RAPGEF1: variants seen among roughly 807,000 people sequenced by gnomAD.
RAPGEF1 encodes the protein CRK SH3-binding GNRP.
A neutral mutation model predicts 143.3 loss-of-function variants in RAPGEF1; 33 were observed. That is an observed-to-expected ratio of 0.23 (90% CI 0.17 to 0.31). The LOEUF is 0.31. Ranked by LOEUF, RAPGEF1 falls within the 10% of genes least tolerant of loss-of-function variation. The probability of loss-of-function intolerance (pLI) is 1.00; values close to 1 mark genes in which losing one functional copy is unlikely to be tolerated. For synonymous variants in RAPGEF1, 629 were observed against 676.5 expected, an observed-to-expected ratio of 0.93 and a Z score of 1.09; for missense variants, 1,199 against 1,645.4, an observed-to-expected ratio of 0.73 and a Z score of 4.69.
At chr9:131,661,939 C>G (rs1449707797) in intron 1 of RAPGEF1, among the ~76,000 whole-genome samples, 3 of 152,196 alleles carry the variant, frequency 2.0e-5, no homozygotes, top group African/African-American at 4.8e-5. Flanking sequence ...TTCTCCCTTA[C>G]TGTATGAAAA....
intron 4 of RAPGEF1, among the ~76,000 whole-genome samples, chr9:131,640,955 C>T (rs1212391007): frequency 6.6e-6 from 1 of 152,158 alleles, no homozygotes; most frequent in Non-Finnish European, 1.5e-5. Flanking sequence ...CAAAGGACTA[C>T]CAGAAAACAA....
intron 15 of RAPGEF1, among the ~76,000 whole-genome samples, chr9:131,601,273 A>C (rs1282564024): frequency 6.6e-6 from 1 of 152,162 alleles, no homozygotes; most frequent in East Asian, 1.9e-4. Context: ...ATTAAGATAT[A>C]CAAGACATTC....
chr9:131,619,054 G>T lies in RAPGEF1; in HGVS notation c.2058C>A (p.Pro686=). 8.1e-6 allele frequency: 11 copies of T among 1,358,084 alleles called. No homozygotes were observed. Among genetic ancestry groups the T allele is most frequent in the Non-Finnish European group, 1.1e-5 (11 of 1,018,512 alleles). 84.1% of individuals were successfully genotyped at this position (1,358,084 alleles called of 1,614,324 possible). The part of the protein sequence containing the change: ...FLSRHGSLPV[P]SYKSVFRSYS... ...AGAACAGCAGGGAGCAACTCACCGAGGGCACGGGCAAGCTGCCGTGCCGGC... is the reference window on the plus strand; with the variant it reads ...AGAACAGCAGGGAGCAACTCACCGATGGCACGGGCAAGCTGCCGTGCCGGC... The change falls in exon 12 of 27, where the codon CCC becomes CCA. Residue 686 remains proline, a synonymous_variant. Transcript: ENST00000683357.
chr9:131,657,813 T>C (rs964005030), intron 1 of RAPGEF1, among the ~76,000 whole-genome samples: 1 of 152,224 alleles, frequency 6.6e-6, no homozygotes, highest in Non-Finnish European at 1.5e-5. Flanking sequence ...ACTCTGACTT[T>C]CAGACTTATC....
chr9:131,692,601 G>C (rs1833860936), intron 1 of RAPGEF1, among the ~76,000 whole-genome samples: 2 of 152,206 alleles, frequency 1.3e-5, no homozygotes, highest in African/African-American at 4.8e-5. Flanking sequence ...ACCAGGACAA[G>C]CTGACAACTT....
intron 1 of RAPGEF1, among the ~76,000 whole-genome samples, chr9:131,652,017 C>T (rs1226988828): frequency 6.6e-6 from 1 of 152,118 alleles, no homozygotes; most frequent in Non-Finnish European, 1.5e-5. Flanking sequence ...TTAAAAATTC[C>T]ACCTGTGAAA....
chr9:131,670,496 C>A (rs186671089), intron 1 of RAPGEF1, among the ~76,000 whole-genome samples: 23 of 152,280 alleles, frequency 1.5e-4, no homozygotes, highest in African/African-American at 5.3e-4. Flanking sequence ...GGGAGTAAGT[C>A]ACTGTAAGAG....
intron 1 of RAPGEF1, among the ~76,000 whole-genome samples, chr9:131,681,089 T>C (rs998968847): frequency 7.2e-5 from 11 of 152,176 alleles, no homozygotes; most frequent in African/African-American, 1.9e-4. Context: ...TTCACACCGA[T>C]GATGAGGAGG....
At chr9:131,632,069 G>C (rs1249933924) in intron 5 of RAPGEF1, among the ~76,000 whole-genome samples, 1 of 152,116 alleles carries the variant, frequency 6.6e-6, no homozygotes, top group Non-Finnish European at 1.5e-5. Flanking sequence ...CCAGGGGTTC[G>C]AGGAGCACTG....
intron 5 of RAPGEF1, among the ~76,000 whole-genome samples, chr9:131,634,538 C>T (rs573318454): frequency 1.3e-5 from 2 of 151,832 alleles, no homozygotes; most frequent in South Asian, 4.2e-4. Context: ...CATGGTGAAA[C>T]CTTGTCTCTA....
chr9:131,687,353 G>T (rs1339112293), intron 1 of RAPGEF1, among the ~76,000 whole-genome samples: 1 of 151,978 alleles, frequency 6.6e-6, no homozygotes, highest in African/African-American at 2.4e-5. Flanking sequence ...ACCACCCCTG[G>T]ATAATTTTTT....
intron 9 of RAPGEF1, among the ~76,000 whole-genome samples, chr9:131,626,867 G>A (rs967796113): frequency 3.3e-5 from 5 of 152,156 alleles, no homozygotes; most frequent in East Asian, 1.9e-4. Context: ...CTGTGAGGCC[G>A]AGGCGGGCCG....
chr9:131,670,871 T>A (rs1831272031), intron 1 of RAPGEF1, among the ~76,000 whole-genome samples: 1 of 152,180 alleles, frequency 6.6e-6, no homozygotes, highest in Admixed American at 6.5e-5. Flanking sequence ...AGTCAGAAAG[T>A]CCTCCCTTTC....
At chr9:131,739,324 G>A (rs1469267388) in intron 1 of RAPGEF1, among the ~76,000 whole-genome samples, 1 of 152,238 alleles carries the variant, frequency 6.6e-6, no homozygotes. Context: ...CGAAGTGGAC[G>A]CTTCTCGTTA....
rs745498179 is a variant in RAPGEF1, at chr9:131,655,487, C to T, written c.62-4538G>A. ...TCTCCCGCTCCCCTCTGTCCTGCCT[C>T]TTCTCTCTCTTCACCCAAGCAGGGT... On this transcript the variant is annotated intron_variant, in intron 1 of 26. Coordinates refer to ENST00000683357, the MANE Select transcript of RAPGEF1 (RefSeq NM_001377935.1). The surrounding 1 kb of genome is among the most constrained non-coding windows in gnomAD (Gnocchi z 4.1). Among the ~76,000 whole-genome samples, 1 of 152,246 alleles carries T rather than the reference C, an allele frequency of 6.6e-6. No individual in the cohort carries two copies. Among genetic ancestry groups the T allele is most frequent in the Non-Finnish European group, 1.5e-5 (1 of 68,046 alleles).
At chr9:131,714,028 T>TACAA (rs1054296368) in intron 1 of RAPGEF1, among the ~76,000 whole-genome samples, 7 of 152,134 alleles carry the variant, frequency 4.6e-5, no homozygotes, top group African/African-American at 1.4e-4. Context: ...AAATTTATCT[T>TACAA]ACAAACATCT....
At chr9:131,640,314 G>A (rs190613668) in intron 4 of RAPGEF1, among the ~76,000 whole-genome samples, 42 of 152,328 alleles carry the variant, frequency 2.8e-4, no homozygotes, top group African/African-American at 7.9e-4. Flanking sequence ...GGATTCCACC[G>A]GAGAAAGCAT....
In RAPGEF1 at chr9:131,655,823, G is replaced by A. The variant is rs575707321; in HGVS notation, c.62-4874C>T. 1.6e-4 allele frequency among the ~76,000 whole-genome samples: 24 copies of A among 152,190 alleles called. No homozygotes were observed. The highest frequency in any genetic ancestry group is 5.3e-4 in the African/African-American group (22 of 41,518). Reference sequence around the variant, plus strand: ...AGGATGGTCTCGATCTCCTGACCTCGTGATCCACCTGCCTTGGCCTCCCAA... The same window carrying A: ...AGGATGGTCTCGATCTCCTGACCTCATGATCCACCTGCCTTGGCCTCCCAA... On this transcript the variant is annotated intron_variant, in intron 1 of 26. Coordinates refer to ENST00000683357, the MANE Select transcript of RAPGEF1 (RefSeq NM_001377935.1). The surrounding 1 kb of genome is among the most constrained non-coding windows in gnomAD (Gnocchi z 4.1).
At chr9:131,588,560 T>C (rs1953602517) in intron 20 of RAPGEF1, among the ~76,000 whole-genome samples, 1 of 152,186 alleles carries the variant, frequency 6.6e-6, no homozygotes, top group Non-Finnish European at 1.5e-5. Context: ...ACTCCTGCCC[T>C]GTCCTATGAA....
Sources: gnomAD v4.1 joint callset for allele counts (sites outside exome capture counted in the v4.1 genomes callset) on GRCh38, gnomAD v4.1.1 for gene constraint, Gnocchi (gnomAD v3.1) non-coding constraint, MANE v1.5 for transcripts, NCBI Gene and HGNC (gene_info 2026-07-23, HGNC 2026-07-21) for gene names.